Variants in SORCS1 observed in about 807,000 individuals in gnomAD.
SORCS1 encodes the protein VPS10 domain-containing receptor SorCS1.
In SORCS1, 60 loss-of-function variants were observed where a neutral mutation model predicts 146.1. That is an observed-to-expected ratio of 0.41 (90% CI 0.33 to 0.51). SORCS1 has a LOEUF of 0.51. SORCS1 is among the 20% of genes least tolerant of loss of function. SORCS1 has a pLI of 0.21. For synonymous variants in SORCS1, 637 were observed against 584.0 expected, an observed-to-expected ratio of 1.09 and a Z score of -1.31; for missense variants, 1,352 against 1,487.6, an observed-to-expected ratio of 0.91 and a Z score of 1.50.
chr10:107,114,898 A>T (rs1452568249), intron 1 of SORCS1, among the ~76,000 whole-genome samples: 1 of 152,164 alleles, frequency 6.6e-6, no homozygotes, highest in East Asian at 1.9e-4. Flanking sequence ...AAATAAATTC[A>T]GTAAAGTTAC....
chr10:106,615,148 G>T (rs547778094), intron 21 of SORCS1, among the ~76,000 whole-genome samples: 1 of 152,206 alleles, frequency 6.6e-6, no homozygotes, highest in Non-Finnish European at 1.5e-5. Flanking sequence ...GAGTATTCTG[G>T]AAAACTTACA....
chr10:107,087,839 C>G (rs987966924), intron 1 of SORCS1, among the ~76,000 whole-genome samples: 5 of 152,232 alleles, frequency 3.3e-5, no homozygotes, highest in African/African-American at 1.2e-4. Context: ...ATAGCTCCTG[C>G]CTGTTTCCCT....
At chr10:106,746,509 A>C (rs1857754823) in intron 5 of SORCS1, among the ~76,000 whole-genome samples, 1 of 152,258 alleles carries the variant, frequency 6.6e-6, no homozygotes, top group South Asian at 2.1e-4. Context: ...TCATTAAAGA[A>C]GGTAAACAAC....
chr10:106,923,071 A>G (rs1235484824), intron 2 of SORCS1, among the ~76,000 whole-genome samples: 2 of 151,994 alleles, frequency 1.3e-5, no homozygotes, highest in Admixed American at 6.5e-5. Flanking sequence ...TTGTACTTTT[A>G]GTAGAGACGG....
Position 106,862,064 on chromosome 10 carries a change from A to G in SORCS1, c.627-32391T>C, listed in dbSNP as rs570769199. On this transcript the variant is annotated intron_variant, in intron 2 of 25. Coordinates refer to ENST00000263054, the MANE Select transcript of SORCS1 (RefSeq NM_052918.5). ...ATGAGGTAAAAAAATGAGTAAATCA[A>G]TTCCTCATCTGTAATTGGAGACAAC... Among the ~76,000 whole-genome samples, 7 of 152,344 alleles carry G rather than the reference A, an allele frequency of 4.6e-5. No homozygotes were observed. In the South Asian group the frequency reaches 1.5e-3, roughly 32 times the overall value.
intron 3 of SORCS1, among the ~76,000 whole-genome samples, chr10:106,783,028 G>T (rs1457714861): frequency 1.3e-5 from 2 of 152,314 alleles, no homozygotes; most frequent in Non-Finnish European, 2.9e-5. Context: ...ACAAGAAATA[G>T]TAAGGGGCCT....
chr10:107,001,459 A>G (rs1009775240), intron 1 of SORCS1, among the ~76,000 whole-genome samples: 2 of 152,142 alleles, frequency 1.3e-5, no homozygotes, highest in African/African-American at 2.4e-5. Flanking sequence ...CTTATAAGCA[A>G]AGACATGGGG....
intron 1 of SORCS1, among the ~76,000 whole-genome samples, chr10:107,026,717 C>G (rs1052392028): frequency 6.6e-6 from 1 of 151,848 alleles, no homozygotes; most frequent in African/African-American, 2.4e-5. Flanking sequence ...ATGGGGGAAG[C>G]GGAGCTGTGC....
chr10:106,581,046 T>C (rs1320121214), intron 24 of SORCS1, among the ~76,000 whole-genome samples: 1 of 152,096 alleles, frequency 6.6e-6, no homozygotes, highest in Non-Finnish European at 1.5e-5. Context: ...TTCTTTTGGT[T>C]CAAAATTAGA....
chr10:106,881,033 C>T (rs1245906421), intron 2 of SORCS1, among the ~76,000 whole-genome samples: 2 of 139,024 alleles, frequency 1.4e-5, no homozygotes, highest in Admixed American at 7.8e-5. Context: ...GCTGAGATCA[C>T]GTCACTACAC....
At chr10:106,963,110 A>ATTTTTTTTTTTT (rs749174613) in intron 1 of SORCS1, among the ~76,000 whole-genome samples, 2,840 of 76,204 alleles carry the variant, frequency 0.037, 620 homozygotes, top group Admixed American at 0.083. Flanking sequence ...AATGGCCAGA[A>ATTTTTTTTTTTT]TTTTTTTTTT....
At chr10:107,136,519 A>G (rs1474230816) in intron 1 of SORCS1, among the ~76,000 whole-genome samples, 2 of 152,212 alleles carry the variant, frequency 1.3e-5, no homozygotes, top group African/African-American at 4.8e-5. Flanking sequence ...GCAGAAAAAA[A>G]ACAAGGCTTA....
At chr10:106,865,133 G>T (rs1950181753) in intron 2 of SORCS1, among the ~76,000 whole-genome samples, 1 of 151,746 alleles carries the variant, frequency 6.6e-6, no homozygotes, top group Non-Finnish European at 1.5e-5. Flanking sequence ...ATACAAAAAT[G>T]TGATGACAGC....
intron 21 of SORCS1, among the ~76,000 whole-genome samples, chr10:106,615,098 G>C (rs191854213): frequency 8.3e-4 from 126 of 152,170 alleles, no homozygotes; most frequent in South Asian, 3.7e-3. Context: ...ACAAGTTTCT[G>C]TTTCTTCCTG....
chr10:106,843,881 T>C (rs985099551), intron 2 of SORCS1, among the ~76,000 whole-genome samples: 1 of 152,232 alleles, frequency 6.6e-6, no homozygotes, highest in African/African-American at 2.4e-5. Context: ...ACCAGCTATC[T>C]CAAGATAGTG....
the SORCS1 span, among the ~76,000 whole-genome samples, chr10:107,171,285 G>A: frequency 9.2e-5 from 14 of 152,130 alleles, no homozygotes; most frequent in Admixed American, 5.9e-4. Context: ...GTGTTGGAAC[G>A]CAGAAGGTTC....
intron 3 of SORCS1, among the ~76,000 whole-genome samples, chr10:106,813,178 G>A (rs1179087943): frequency 1.6e-5 from 2 of 124,186 alleles, no homozygotes; most frequent in Non-Finnish European, 3.1e-5. Context: ...TGTCGCCCTC[G>A]CTGGAGTGCA....
In SORCS1 at chr10:106,949,092, G is replaced by A. The variant is rs369331018; in HGVS notation, c.626+7421C>T. Among the ~76,000 whole-genome samples the A allele has an allele frequency of 6.6e-5, 10 of 152,228 alleles. No individual in the cohort carries two copies. The East Asian group carries it at 9.7e-4, about 15-fold the overall frequency. ...AAAAGCCACAATCCAGAACACCTCCGGATCCTGCCTGAACGCTTGACTAGC... is the reference window on the plus strand; with the variant it reads ...AAAAGCCACAATCCAGAACACCTCCAGATCCTGCCTGAACGCTTGACTAGC... On this transcript the variant is annotated intron_variant, in intron 2 of 25. Transcript: ENST00000263054.
At chr10:107,027,723 A>G (rs562301021) in intron 1 of SORCS1, among the ~76,000 whole-genome samples, 1 of 152,342 alleles carries the variant, frequency 6.6e-6, no homozygotes, top group Non-Finnish European at 1.5e-5. Flanking sequence ...GCAGGGAAAG[A>G]TACCCTTTCT....
Sources: gnomAD v4.1 joint callset for allele counts (sites outside exome capture counted in the v4.1 genomes callset) on GRCh38, gnomAD v4.1.1 for gene constraint, MANE v1.5 for transcripts, NCBI Gene and HGNC (gene_info 2026-07-23, HGNC 2026-07-21) for gene names.